The following ADGRE5 variants were observed in gnomAD, a reference collection of about 807,000 sequenced individuals.
ADGRE5 encodes adhesion G protein-coupled receptor E5.
Under a neutral mutation model 100.3 loss-of-function variants are expected in ADGRE5, and 72 were observed. The ratio of observed to expected loss-of-function variants is 0.72; its 90% CI spans 0.59 to 0.87. The LOEUF (loss-of-function observed/expected upper bound fraction) is 0.87. Ranked by LOEUF, ADGRE5 falls within the 40% of genes least tolerant of loss-of-function variation. ADGRE5 has a pLI of 0.00. For missense variants in ADGRE5, 959 were observed against 1,094.7 expected, an observed-to-expected ratio of 0.88 and a Z score of 1.75; for synonymous variants, 439 against 447.8, an observed-to-expected ratio of 0.98 and a Z score of 0.25.
intron 1 of ADGRE5, among the ~76,000 whole-genome samples, chr19:14,382,302 C>T (rs576230604): frequency 9.3e-4 from 142 of 152,276 alleles, no homozygotes; most frequent in African/African-American, 3.3e-3. Flanking sequence ...CTCAGCACCC[C>T]GCCTTGGCTT....
intron 9 of ADGRE5, 124 bp downstream of exon 9, chr19:14,398,263 CAT>C: frequency 1.3e-6 from 1 of 785,284 alleles, no homozygotes; most frequent in Admixed American, 2.2e-5. Flanking sequence ...ATGCGCATAA[CAT>C]ACACACACCA....
At chr19:14,395,993 G>T (rs951150693) in intron 4 of ADGRE5, among the ~76,000 whole-genome samples, 1 of 152,254 alleles carries the variant, frequency 6.6e-6, no homozygotes, top group Non-Finnish European at 1.5e-5. Context: ...GAACCAAGAC[G>T]TGTCCTGCCC....
intron 17 of ADGRE5, 28 bp from the exon 18 acceptor site, chr19:14,407,033 G>A: frequency 6.2e-7 from 1 of 1,613,752 alleles, no homozygotes; most frequent in Non-Finnish European, 8.5e-7. Flanking sequence ...TGAGGTGGGG[G>A]CCCACGCTGC....
intron 3 of ADGRE5, among the ~76,000 whole-genome samples, chr19:14,390,707 T>G (rs186906399): frequency 6.6e-6 from 1 of 152,320 alleles, no homozygotes; most frequent in Non-Finnish European, 1.5e-5. Flanking sequence ...CACTGTTCAC[T>G]GTGTCCAAAT....
Position 14,396,324 on chromosome 19 carries a change from C to G in ADGRE5, c.347-18C>G. The G allele has an allele frequency of 6.2e-7, 1 of 1,614,280 alleles. No individual in the cohort carries two copies. The highest frequency in any genetic ancestry group is 8.5e-7 in the Non-Finnish European group (1 of 1,180,052). ...CTCACAGCTACGGGCATCCTTCACC[C>G]TCTCCTTCCTCTTGCAGATGTGGAC... On this transcript the variant is annotated intron_variant, in intron 4 of 19. Coordinates refer to ENST00000242786, the MANE Select transcript of ADGRE5 (RefSeq NM_078481.4).
chr19:14,408,232 C>T lies in ADGRE5; in HGVS notation c.*111C>T. The T allele has an allele frequency of 1.6e-6, 2 of 1,234,420 alleles. No individual in the cohort carries two copies. The highest frequency in any genetic ancestry group is 2.5e-5 in the South Asian group (2 of 78,742). The allele number at this position is 1,234,420 out of a possible 1,614,324, so 76.5% of individuals were successfully genotyped here. The stretch of plus-strand genomic sequence containing the variant: ...ACTCTACTCCCTCCACCCTCCCTCC[C>T]TGATCCCGTGTGCCACCAGGAGGGA... On this transcript the variant is annotated 3_prime_UTR_variant, in exon 20 of 20. Transcript: ENST00000242786.
At position 14,404,380 on chromosome 19, in the gene ADGRE5, C is replaced by A. The variant is rs201881310; in HGVS notation, c.1450-3C>A. ...CTTTCTGACCACCCCCATCTGCCCA[C>A]AGGACGTGATGCCTGGGCCACGGCA... On this transcript the variant is annotated splice_polypyrimidine_tract_variant and splice_region_variant and intron_variant, in intron 12 of 19. Coordinates refer to ENST00000242786, the MANE Select transcript of ADGRE5 (RefSeq NM_078481.4). The A allele has an allele frequency of 5.0e-6, 8 of 1,606,762 alleles. No homozygotes were observed. In the East Asian group the frequency reaches 1.8e-4, roughly 36 times the overall value.
intron 3 of ADGRE5, among the ~76,000 whole-genome samples, chr19:14,389,717 C>T (rs1163872062): frequency 6.8e-6 from 1 of 147,728 alleles, no homozygotes; most frequent in Non-Finnish European, 1.5e-5. Flanking sequence ...GCCTGGGCGA[C>T]CAGAGCAAGA....
In ADGRE5 at chr19:14,408,082, T is replaced by C; in HGVS notation, c.2479-10T>C. On this transcript the variant is annotated splice_polypyrimidine_tract_variant and intron_variant, in intron 19 of 19. Transcript: ENST00000242786. ...TAGCGGGGCTCAGGCCTCTGGGCTCTCCTCTCCAGGCCCTCAGGGCATCAG... is the reference window on the plus strand; with the variant it reads ...TAGCGGGGCTCAGGCCTCTGGGCTCCCCTCTCCAGGCCCTCAGGGCATCAG... 6.2e-7 allele frequency: 1 copy of C among 1,613,956 alleles called. No homozygotes were observed. The highest frequency in any genetic ancestry group is 8.5e-7 in the Non-Finnish European group (1 of 1,179,996).
At chr19:14,381,569 G>C (rs769634013) in intron 1 of ADGRE5, 24 bp downstream of exon 1, 2 of 1,595,902 alleles carry the variant, frequency 1.3e-6, no homozygotes, top group South Asian at 2.2e-5. Flanking sequence ...GGCCCCGCTG[G>C]GAGGGGCGAG....
At position 14,381,535 on chromosome 19, in the gene ADGRE5, C is replaced by G; in HGVS notation, c.12C>G (p.Arg4=). The G allele has an allele frequency of 6.2e-7, 1 of 1,609,746 alleles. No homozygotes were observed. Among genetic ancestry groups the G allele is most frequent in the Non-Finnish European group, 8.5e-7 (1 of 1,178,470 alleles). The part of the protein sequence containing the change: MGG[R]VFLAFCVWLT... The stretch of plus-strand genomic sequence containing the variant: ...CGGCAGCTCCAACCATGGGAGGCCG[C>G]GTCTTTCTCGGTAAGTACTTTGGGG... The change falls in exon 1 of 20, where the codon CGC becomes CGG. Residue 4 remains arginine, a synonymous_variant. Coordinates refer to ENST00000242786, the MANE Select transcript of ADGRE5 (RefSeq NM_078481.4).
chr19:14,392,715 C>A (rs1333003445), intron 4 of ADGRE5, among the ~76,000 whole-genome samples: 1 of 150,774 alleles, frequency 6.6e-6, no homozygotes, highest in Non-Finnish European at 1.5e-5. Flanking sequence ...CCAGCCTGGC[C>A]AACATGGCGA....
chr19:14,397,892 T>G lies in ADGRE5; in HGVS notation c.776T>G (p.Met259Arg). The change falls in exon 8 of 20, where the codon ATG (methionine) becomes AGG (arginine). Residue 259 changes from methionine (M) to arginine (R), a missense_variant. By Grantham distance (91) the Met-to-Arg change is moderately conservative. Around this residue, in one of 6 missense-constraint regions of ADGRE5, gnomAD observed 69 missense variants for 135.0 expected, o/e 0.51. Coordinates refer to ENST00000242786, the MANE Select transcript of ADGRE5 (RefSeq NM_078481.4). The part of the protein sequence containing the change: ...NNQKDTVCED[M>R]TFSTWTPPPG... ...CCGCTTGTCTTGTTCCCTACAGATA[T>G]GACTTTCTCCACCTGGACCCCGCCC... 1 of 1,089,468 alleles carries G rather than the reference T, an allele frequency of 9.2e-7. No homozygotes were observed. The highest frequency in any genetic ancestry group is 1.3e-6 in the Non-Finnish European group (1 of 781,988). The allele number at this position is 1,089,468 out of a possible 1,614,324, so 67.5% of individuals were successfully genotyped here. A position where few individuals can be genotyped will look rare whatever the true frequency, so the allele number is the denominator to read the frequency against.
intron 5 of ADGRE5, among the ~76,000 whole-genome samples, 154 bp from the exon 6 acceptor site, chr19:14,396,923 C>T (rs1271938008): frequency 1.3e-5 from 2 of 152,148 alleles, no homozygotes; most frequent in African/African-American, 4.8e-5. Flanking sequence ...TCATAAGATG[C>T]TTTGAAGGTG....
rs1261267798 is a variant in ADGRE5, at chr19:14,402,628, G to A, written c.1215G>A (p.Gln405=). Residue 405 remains glutamine (Q), a synonymous_variant, in exon 12 of 20, where the codon CAG becomes CAA. Coordinates refer to ENST00000242786, the MANE Select transcript of ADGRE5 (RefSeq NM_078481.4). ...GPAVAGILSI[Q]NMTTLLANAS... ...CCGTGGCGGGCATCCTCTCCATCCAGAACATGACGACATTGCTGGCCAATG... is the reference window on the plus strand; with the variant it reads ...CCGTGGCGGGCATCCTCTCCATCCAAAACATGACGACATTGCTGGCCAATG... The A allele has an allele frequency of 6.2e-7, 1 of 1,614,128 alleles. No individual in the cohort carries two copies. Among genetic ancestry groups the A allele is most frequent in the Admixed American group, 1.7e-5 (1 of 60,006 alleles).
chr19:14,400,164 C>T (rs780747142), intron 9 of ADGRE5, among the ~76,000 whole-genome samples: 7 of 152,128 alleles, frequency 4.6e-5, no homozygotes, highest in Admixed American at 2.0e-4. Flanking sequence ...GGACTACAGG[C>T]GCCCACCACC....
At chr19:14,389,901 T>G (rs928796682) in intron 3 of ADGRE5, among the ~76,000 whole-genome samples, 1 of 151,674 alleles carries the variant, frequency 6.6e-6, no homozygotes, top group Non-Finnish European at 1.5e-5. Context: ...AAACCTCATC[T>G]CTACTAAAAA....
chr19:14,398,315 A>C, intron 9 of ADGRE5, 176 bp downstream of exon 9: 1 of 627,214 alleles, frequency 1.6e-6, no homozygotes, highest in Non-Finnish European at 2.9e-6. Flanking sequence ...CGGACACGTG[A>C]AGACACACGC....
At position 14,381,551 on chromosome 19, in the gene ADGRE5, T is replaced by C. The variant is rs1294269389; in HGVS notation, c.22+6T>C. The C allele has an allele frequency of 6.2e-7, 1 of 1,603,634 alleles. No homozygotes were observed. Among genetic ancestry groups the C allele is most frequent in the South Asian group, 1.1e-5 (1 of 90,672 alleles). ...GGGAGGCCGCGTCTTTCTCGGTAAG[T>C]ACTTTGGGGCCCCGCTGGGAGGGGC... On this transcript the variant is annotated splice_donor_region_variant and intron_variant, in intron 1 of 19. Transcript: ENST00000242786.
Sources: gnomAD v4.1 joint callset for allele counts (sites outside exome capture counted in the v4.1 genomes callset) on GRCh38, gnomAD v4.1.1 for gene constraint, gnomAD v4.1.1 regional missense constraint, MANE v1.5 for transcripts, NCBI Gene and HGNC (gene_info 2026-07-23, HGNC 2026-07-21) for gene names.